The following NELL2 variants were observed in gnomAD, a reference collection of about 807,000 sequenced individuals.
The protein encoded by NELL2 is protein kinase C-binding protein NELL2.
NELL2 carries 41 observed loss-of-function variants against 109.6 expected under a neutral mutation model. The observed-to-expected ratio is 0.37, with a 90% CI of 0.29 to 0.49. NELL2 has a LOEUF of 0.49. NELL2 is among the 20% of genes least tolerant of loss of function. The probability of loss-of-function intolerance (pLI) is 0.98; values close to 1 mark genes in which losing one functional copy is unlikely to be tolerated. For missense variants in NELL2, 900 were observed against 1,008.3 expected (o/e 0.89, Z 1.45); for synonymous variants, 355 against 344.7 (o/e 1.03, Z -0.33).
chr12:44,624,691 T>G (rs1331870674), intron 13 of NELL2, among the ~76,000 whole-genome samples: 1 of 151,970 alleles, frequency 6.6e-6, no homozygotes, highest in Non-Finnish European at 1.5e-5. Flanking sequence ...ATGAAAAGGA[T>G]TTGCAGTTAT....
intron 3 of NELL2, among the ~76,000 whole-genome samples, chr12:44,815,340 A>G (rs578146467): frequency 4.6e-5 from 7 of 152,338 alleles, no homozygotes; most frequent in African/African-American, 1.7e-4. Context: ...GTCAATGATT[A>G]CAATTATACG....
chr12:44,680,583 C>T (rs1948463615), intron 12 of NELL2, among the ~76,000 whole-genome samples: 1 of 152,050 alleles, frequency 6.6e-6, no homozygotes, highest in African/African-American at 2.4e-5. Flanking sequence ...ATGAACAAGA[C>T]ACACAATTCA....
intron 13 of NELL2, among the ~76,000 whole-genome samples, chr12:44,626,201 C>T (rs1006238642): frequency 3.1e-4 from 47 of 152,232 alleles, no homozygotes; most frequent in African/African-American, 1.1e-3. Flanking sequence ...CAGATCATGA[C>T]ATTTGACTTA....
intron 1 of NELL2, among the ~76,000 whole-genome samples, chr12:44,898,502 G>T (rs2136878048): frequency 6.6e-6 from 1 of 152,280 alleles, no homozygotes; most frequent in Admixed American, 6.5e-5. Flanking sequence ...CAGCAGACCT[G>T]CAGAAGAGGG....
At chr12:44,647,098 C>G (rs1303430789) in intron 13 of NELL2, among the ~76,000 whole-genome samples, 1 of 152,156 alleles carries the variant, frequency 6.6e-6, no homozygotes, top group Non-Finnish European at 1.5e-5. Context: ...TTCTAAACAC[C>G]TAGAATTTGA....
intron 2 of NELL2, among the ~76,000 whole-genome samples, chr12:44,831,056 C>T (rs998686177): frequency 6.6e-6 from 1 of 152,036 alleles, no homozygotes; most frequent in African/African-American, 2.4e-5. Context: ...TACTCACAAC[C>T]CACCACCAGC....
intron 13 of NELL2, among the ~76,000 whole-genome samples, chr12:44,621,375 C>T (rs996619460): frequency 1.6e-4 from 24 of 152,126 alleles, no homozygotes; most frequent in African/African-American, 5.8e-4. Flanking sequence ...GTCAGGCTGC[C>T]TCAGCTCAAA....
At chr12:44,836,044 G>T (rs1944044394) in intron 2 of NELL2, among the ~76,000 whole-genome samples, 1 of 152,212 alleles carries the variant, frequency 6.6e-6, no homozygotes, top group African/African-American at 2.4e-5. Flanking sequence ...GGTGGAAGGA[G>T]TCTAGACAGG....
intron 9 of NELL2, among the ~76,000 whole-genome samples, chr12:44,740,472 A>T (rs1177263428): frequency 6.6e-6 from 1 of 152,190 alleles, no homozygotes; most frequent in Non-Finnish European, 1.5e-5. Context: ...TTTATTTTTC[A>T]GTCAGTTTGC....
At chr12:44,835,294 C>G (rs1163467722) in intron 2 of NELL2, among the ~76,000 whole-genome samples, 1 of 152,154 alleles carries the variant, frequency 6.6e-6, no homozygotes. Context: ...AGAAATACAC[C>G]AAAAAGAATT....
intron 1 of NELL2, among the ~76,000 whole-genome samples, chr12:44,895,445 A>G (rs1945581874): frequency 6.6e-6 from 1 of 152,212 alleles, no homozygotes; most frequent in African/African-American, 2.4e-5. Flanking sequence ...GATTGTATTC[A>G]TACTGATGAT....
At chr12:44,649,062 G>C (rs55996511) in intron 13 of NELL2, among the ~76,000 whole-genome samples, 3 of 151,640 alleles carry the variant, frequency 2.0e-5, no homozygotes, top group Admixed American at 2.0e-4. Flanking sequence ...CACTGTGCCC[G>C]GCCACAATGC....
chr12:44,733,548 C>T (rs528937284), intron 9 of NELL2, among the ~76,000 whole-genome samples: 13 of 151,576 alleles, frequency 8.6e-5, no homozygotes, highest in South Asian at 2.1e-4. Flanking sequence ...GGTTTCCAGG[C>T]GCTAGGAGGA....
chr12:44,864,920 T>C (rs1215834832), intron 2 of NELL2, among the ~76,000 whole-genome samples: 1 of 150,376 alleles, frequency 6.6e-6, no homozygotes, highest in Non-Finnish European at 1.5e-5. Context: ...GTATTTCTAG[T>C]TCTAGATCCC....
intron 1 of NELL2, among the ~76,000 whole-genome samples, chr12:44,904,826 C>T (rs1945702018): frequency 6.6e-6 from 1 of 151,894 alleles, no homozygotes; most frequent in Non-Finnish European, 1.5e-5. Flanking sequence ...CTAAAAAGTA[C>T]AGTTGAAGAT....
At chr12:44,589,848 C>T (rs1035941373) in intron 15 of NELL2, among the ~76,000 whole-genome samples, 1 of 152,128 alleles carries the variant, frequency 6.6e-6, no homozygotes, top group Non-Finnish European at 1.5e-5. Flanking sequence ...CCTACTTTTT[C>T]CAACCCACTA....
intron 13 of NELL2, among the ~76,000 whole-genome samples, chr12:44,620,746 C>A (rs951358702): frequency 2.6e-5 from 4 of 152,094 alleles, no homozygotes; most frequent in African/African-American, 9.7e-5. Context: ...TAAAAGTTCT[C>A]ATTTCTGTCC....
chr12:44,516,400 G>C (rs1941256509), intron 19 of NELL2, among the ~76,000 whole-genome samples: 1 of 152,094 alleles, frequency 6.6e-6, no homozygotes, highest in Non-Finnish European at 1.5e-5. Context: ...GGTGCGGATA[G>C]TATGTGTTGC....
intron 19 of NELL2, among the ~76,000 whole-genome samples, chr12:44,511,890 CATA>C (rs1342628639): frequency 6.6e-6 from 1 of 152,050 alleles, no homozygotes; most frequent in Non-Finnish European, 1.5e-5. Flanking sequence ...TAGAAGAAAA[CATA>C]AGACAAATGC....
Sources: allele counts gnomAD v4.1 joint callset (sites outside exome capture counted in the v4.1 genomes callset), GRCh38; gene constraint gnomAD v4.1.1; transcripts MANE v1.5; gene names NCBI Gene and HGNC (gene_info 2026-07-23, HGNC 2026-07-21).